Variants in AHCTF1 observed in about 807,000 individuals in gnomAD.
AHCTF1 encodes protein ELYS.
Under a neutral mutation model 248.4 loss-of-function variants are expected in AHCTF1, and 24 were observed. That is an observed-to-expected ratio of 0.10 (90% CI 0.07 to 0.14). The LOEUF (loss-of-function observed/expected upper bound fraction) is 0.14. Among genes scored for constraint, AHCTF1 ranks in the 10% least tolerant of loss-of-function variants. The pLI, the probability that AHCTF1 is intolerant of heterozygous loss-of-function variation, is 1.00. For synonymous variants in AHCTF1, 786 were observed against 929.8 expected (o/e 0.85, Z 2.81); for missense variants, 2,206 against 2,636.2 (o/e 0.84, Z 3.57).
Position 246,839,206 on chromosome 1 carries a change from C to CT in AHCTF1, c.*1599dup, listed in dbSNP as rs1659664116. 2.0e-5 allele frequency: 3 copies of CT among 152,090 alleles called. No homozygotes were observed. Among genetic ancestry groups the CT allele is most frequent in the African/African-American group, 7.2e-5 (3 of 41,412 alleles). The allele number at this position is 152,090 out of a possible 1,614,324, so 9.4% of individuals were successfully genotyped here. ...TCATTTAGAACAGGCAATTTGTTTG[C>CT]TTATGATCTACATTCACGGAGGGGG... On this transcript the variant is annotated 3_prime_UTR_variant, in exon 36 of 36. Coordinates refer to ENST00000648844, the MANE Select transcript of AHCTF1 (RefSeq NM_001323342.2).
intron 1 of AHCTF1, among the ~76,000 whole-genome samples, chr1:246,926,470 C>T (rs1030937595): frequency 5.9e-5 from 9 of 152,192 alleles, no homozygotes; most frequent in Non-Finnish European, 1.0e-4. Context: ...TAAAGTTTTT[C>T]AAATTTAACA....
chr1:246,872,774 T>C (rs1298535243), intron 24 of AHCTF1, among the ~76,000 whole-genome samples: 4 of 152,312 alleles, frequency 2.6e-5, no homozygotes, highest in South Asian at 2.1e-4. Flanking sequence ...CTTGGCATGA[T>C]TGAACCTTCG....
rs1486532429 is a variant in AHCTF1, at chr1:246,842,766, G to A, written c.6536C>T (p.Ala2179Val). 1.9e-6 allele frequency: 3 copies of A among 1,613,192 alleles called. No homozygotes were observed. The highest frequency in any genetic ancestry group is 2.2e-5 in the South Asian group (2 of 91,056). ...NKLEDELKDD[A>V]QSVETLGKPK... is the part of the protein sequence containing the mutation. ...CTTTCCCAGAGTTTCTACTGATTGT[G>A]CATCATCTTTCTATGGGTTAAACAT... Residue 2179 changes from alanine to valine, a missense_variant, in exon 35 of 36, where the codon GCA becomes GTA. By Grantham distance (64) the Ala-to-Val change is moderately conservative (BLOSUM62 0). Transcript: ENST00000648844.
At chr1:246,914,327 A>G (rs2103218428) in intron 3 of AHCTF1, among the ~76,000 whole-genome samples, 1 of 152,280 alleles carries the variant, frequency 6.6e-6, no homozygotes, top group South Asian at 2.1e-4. Flanking sequence ...GGGATTCTCA[A>G]CCTGTACTGA....
rs1663886519 is a variant in AHCTF1 at position 246,887,302 on chromosome 1, G to T, written c.2381C>A (p.Pro794His). 6.2e-7 allele frequency: 1 copy of T among 1,613,026 alleles called. No homozygotes were observed. The highest frequency in any genetic ancestry group is 8.5e-7 in the Non-Finnish European group (1 of 1,179,540). Residue 794 changes from proline (P) to histidine (H), a missense_variant, in exon 20 of 36, where the codon CCC becomes CAC. Pro to His is a moderately conservative substitution (Grantham distance 77). Around this residue, in one of 6 missense-constraint regions of AHCTF1, gnomAD observed 650 missense variants for 870.8 expected, o/e 0.75. Transcript: ENST00000648844. ...AAATACAGTTGGGAAAGATTCAATG[G>T]GAGTGTCTGTTTTGTTGGGAAAGGA... Reference protein sequence around the residue: ...MYSFPNKTDTPIESFPTVFAI... With the variant: ...MYSFPNKTDTHIESFPTVFAI...
chr1:246,856,343 C>A (rs1303768851), intron 30 of AHCTF1, among the ~76,000 whole-genome samples: 2 of 152,212 alleles, frequency 1.3e-5, no homozygotes, highest in Non-Finnish European at 2.9e-5. Context: ...TCTGACCTTT[C>A]TCAAAACCCA....
intron 1 of AHCTF1, among the ~76,000 whole-genome samples, chr1:246,925,673 G>T (rs535486433): frequency 6.6e-6 from 1 of 152,164 alleles, no homozygotes; most frequent in Non-Finnish European, 1.5e-5. Flanking sequence ...ATCTCATACT[G>T]AAATGTGATC....
At chr1:246,868,611 TAAAAA>T (rs36102148) in intron 24 of AHCTF1, among the ~76,000 whole-genome samples, 1 of 132,636 alleles carries the variant, frequency 7.5e-6, no homozygotes, top group Non-Finnish European at 1.7e-5. Flanking sequence ...TGGTAAGTGG[TAAAAA>T]AAAAAAAAAA....
chr1:246,868,993 C>G (rs375884310), intron 24 of AHCTF1, among the ~76,000 whole-genome samples: 24 of 151,366 alleles, frequency 1.6e-4, no homozygotes, highest in African/African-American at 4.1e-4. Context: ...TACAGGCGCC[C>G]GCCACCATGC....
intron 31 of AHCTF1, among the ~76,000 whole-genome samples, chr1:246,855,287 A>C (rs983130220): frequency 1.1e-4 from 17 of 152,176 alleles, no homozygotes; most frequent in Non-Finnish European, 2.9e-5. Flanking sequence ...CCAGGGCCTA[A>C]CTGAGAATAG....
intron 2 of AHCTF1, 139 bp from the exon 3 acceptor site, chr1:246,916,534 G>A: frequency 5.0e-6 from 4 of 806,118 alleles, no homozygotes; most frequent in Non-Finnish European, 5.8e-6. Context: ...TTTTAATCAA[G>A]CAACTATCAT....
At chr1:246,854,883 G>A (rs1449045220) in intron 31 of AHCTF1, among the ~76,000 whole-genome samples, 1 of 152,212 alleles carries the variant, frequency 6.6e-6, no homozygotes, top group Non-Finnish European at 1.5e-5. Flanking sequence ...CATATCGGGA[G>A]AAATGGGCAC....
rs1385848283 is a variant in AHCTF1 at position 246,850,036 on chromosome 1, A to T, written c.5970T>A (p.Ala1990=). The T allele has an allele frequency of 3.1e-6, 5 of 1,613,804 alleles. No homozygotes were observed. The highest frequency in any genetic ancestry group is 4.2e-6 in the Non-Finnish European group (5 of 1,179,832). ...TCTTGGGGCTTCTCTCTTCCTTAAC[A>T]GCCTTAGATCCTACATCTTCAGATG... ...INPSEDVGSK[A]VKEERSPKKK... The change falls in exon 33 of 36, where the codon GCT becomes GCA. Residue 1990 remains alanine (A), a synonymous_variant. Transcript: ENST00000648844.
chr1:246,886,056 T>C (rs1663798232), intron 20 of AHCTF1, among the ~76,000 whole-genome samples: 1 of 151,998 alleles, frequency 6.6e-6, no homozygotes, highest in South Asian at 2.1e-4. Flanking sequence ...ACAAAAAAAG[T>C]GCAGTGGCTC....
intron 14 of AHCTF1, among the ~76,000 whole-genome samples, chr1:246,893,953 C>A (rs1401115636): frequency 1.3e-5 from 2 of 151,924 alleles, no homozygotes; most frequent in Non-Finnish European, 2.9e-5. Context: ...CTTGTAATAC[C>A]AACACTTTGG....
chr1:246,862,202 C>T (rs574959357), intron 27 of AHCTF1, 49 bp from the exon 28 acceptor site: 122 of 1,473,800 alleles, frequency 8.3e-5, no homozygotes, highest in East Asian at 2.9e-4. Context: ...GCTTATAGGC[C>T]GGGCGCGGTG....
chr1:246,892,683 G>C (rs1664297492), intron 14 of AHCTF1, among the ~76,000 whole-genome samples: 1 of 152,094 alleles, frequency 6.6e-6, no homozygotes, highest in South Asian at 2.1e-4. Context: ...CTGGGCTGGA[G>C]TGCAATGGTA....
At chr1:246,843,740 T>TAA in intron 34 of AHCTF1, 55 bp downstream of exon 34, 1 of 993,746 alleles carries the variant, frequency 1.0e-6, no homozygotes, top group Non-Finnish European at 1.3e-6. Context: ...AAAACATTTG[T>TAA]AAAAAAAAAA....
intron 12 of AHCTF1, among the ~76,000 whole-genome samples, chr1:246,897,572 A>G (rs1231286718): frequency 2.0e-5 from 3 of 152,246 alleles, no homozygotes. Flanking sequence ...AAGGCTATGT[A>G]TATTGCTCCT....
Sources: gnomAD v4.1 joint callset for allele counts (sites outside exome capture counted in the v4.1 genomes callset) on GRCh38, gnomAD v4.1.1 for gene constraint, gnomAD v4.1.1 regional missense constraint, MANE v1.5 for transcripts, NCBI Gene and HGNC (gene_info 2026-07-23, HGNC 2026-07-21) for gene names.